Variants in WDR90 observed in about 807,000 individuals in gnomAD.
WDR90 encodes WD repeat domain 90.
A neutral mutation model predicts 195.2 loss-of-function variants in WDR90; 238 were observed. The observed-to-expected ratio is 1.22, with a 90% CI of 1.10 to 1.36. The LOEUF (loss-of-function observed/expected upper bound fraction) is 1.36. Ranked by LOEUF, WDR90 falls within the 40% of genes most tolerant of loss-of-function variation. The pLI is 0.00. For synonymous variants in WDR90, 1,265 were observed against 1,052.4 expected (o/e 1.20, Z -3.91); for missense variants, 2,734 against 2,439.5 (o/e 1.12, Z -2.54).
rs759794373 is a variant in WDR90, at chr16:655,665, C to T, written c.1811C>T (p.Pro604Leu). Residue 604 changes from proline to leucine, a missense_variant, in exon 16 of 41, where the codon CCA becomes CTA. By Grantham distance (98) the Pro-to-Leu change is moderately conservative. Transcript: ENST00000293879. ...HARRLLPTRT[P>L]GGPHPQKQTF... ...CGCCGCCTGCTCCCCACACGGACTC[C>T]AGGCGGTCCCCACCCACAGAAGCAG... 1.4e-5 allele frequency: 22 copies of T among 1,602,584 alleles called. No homozygotes were observed. The highest frequency in any genetic ancestry group is 1.7e-5 in the Admixed American group (1 of 58,568).
intron 40 of WDR90, 41 bp from the exon 41 acceptor site, chr16:667,391 C>T: frequency 1.3e-6 from 2 of 1,562,776 alleles, no homozygotes; most frequent in African/African-American, 1.3e-5. Context: ...CTGAGTGCTG[C>T]CTGGTCCTGG....
intron 2 of WDR90, 55 bp from the exon 3 acceptor site, chr16:649,936 C>T: frequency 1.9e-6 from 3 of 1,605,386 alleles, no homozygotes; most frequent in East Asian, 4.5e-5. Flanking sequence ...GGCCCCCTCG[C>T]CCCCGCTGCA....
chr16:651,879 A>G lies in WDR90; in HGVS notation c.893A>G (p.Gln298Arg). ...CCCTTCCCGGAGGTCAGCCTGTCCC[A>G]AGAGCGCTCAGACGCCTCCAACGCG... ...PRPFPEVSLSQERSDASNADG... is the reference protein window; with the variant it reads ...PRPFPEVSLSRERSDASNADG... The change falls in exon 9 of 41, where the codon CAA (glutamine) becomes CGA (arginine). Residue 298 changes from glutamine (Q) to arginine (R), a missense_variant. Physicochemically the swap from Gln to Arg is conservative, Grantham distance 43. Transcript: ENST00000293879. The G allele has an allele frequency of 6.2e-7, 1 of 1,610,984 alleles. No individual in the cohort carries two copies. Among genetic ancestry groups the G allele is most frequent in the Non-Finnish European group, 8.5e-7 (1 of 1,179,882 alleles).
chr16:650,750 A>G (rs1391520703), intron 5 of WDR90, 41 bp downstream of exon 5: 2 of 1,591,388 alleles, frequency 1.3e-6, no homozygotes, highest in East Asian at 2.3e-5. Context: ...TATCTCACCC[A>G]TGCTCTCAGC....
At chr16:660,966 GCCCCCTGTTCGGCCCCTCCCC>G in intron 28 of WDR90, 64 bp from the exon 29 acceptor site, 1 of 140,764 alleles carries the variant, frequency 7.1e-6, no homozygotes, top group Non-Finnish European at 1.3e-5. Flanking sequence ...CCCAGGCCCC[GCCCCCTGTTCGGCCCCTCCCC>G]AGGCCCCTCC....
At chr16:652,369 G>A in intron 9 of WDR90, 98 bp from the exon 10 acceptor site, 1 of 1,397,416 alleles carries the variant, frequency 7.2e-7, no homozygotes, top group Non-Finnish European at 9.8e-7. Flanking sequence ...TTCTTGAGAG[G>A]CAGGACCCAG....
chr16:649,953 C>T (rs769482504), intron 2 of WDR90, 38 bp from the exon 3 acceptor site: 30 of 1,609,590 alleles, frequency 1.9e-5, no homozygotes, highest in Non-Finnish European at 2.4e-5. Flanking sequence ...TGCACTTCTT[C>T]TGGGTGCTGT....
intron 34 of WDR90, chr16:665,350 A>G (rs79396044): frequency 1.7e-5 from 9 of 519,606 alleles, no homozygotes; most frequent in South Asian, 7.8e-5. Flanking sequence ...GCACGGCCAC[A>G]CTCCTGTCTT....
intron 40 of WDR90, 90 bp downstream of exon 40, chr16:667,079 G>A: frequency 7.3e-7 from 1 of 1,371,870 alleles, no homozygotes; most frequent in Non-Finnish European, 1.0e-6. Context: ...TGCCTCACCT[G>A]TGCCCCGGGC....
At chr16:667,057 T>C (rs7189028) in intron 40 of WDR90, 68 bp downstream of exon 40, 632,455 of 1,489,998 alleles carry the variant, frequency 0.42, 152,305 homozygotes, top group East Asian at 0.97. Context: ...TGGTGCCCTG[T>C]TCCAAGACAG....
Position 655,396 on chromosome 16 carries a change from A to G in WDR90, c.1646A>G (p.His549Arg). The change falls in exon 15 of 41, where the codon CAC becomes CGC. Residue 549 changes from histidine (H) to arginine (R), a missense_variant. Transcript: ENST00000293879. ...RSCPVDLGEH[H>R]ALQFTDLAFK... is the part of the protein sequence containing the mutation. ...TGCCCCGTGGACTTAGGGGAGCACC[A>G]CGCGCTGCAGTTCACCGACCTGGCC... 3 of 1,596,228 alleles carry G rather than the reference A, an allele frequency of 1.9e-6. No individual in the cohort carries two copies. In the East Asian group the frequency reaches 6.7e-5, roughly 36 times the overall value.
At chr16:656,956 C>T (rs2037769148) in intron 19 of WDR90, 85 bp downstream of exon 19, 7 of 1,561,320 alleles carry the variant, frequency 4.5e-6, no homozygotes, top group Non-Finnish European at 6.1e-6. Context: ...GCAGGATGGC[C>T]AGTGCTGGCT....
In WDR90 at chr16:667,420, G is replaced by GTC. The variant is rs1567227311; in HGVS notation, c.5090-10_5090-9dup. Reference sequence around the variant, plus strand: ...GTCCTGGCCCTGGCCCACCTGCACCGTCTACCCACAGAGTGCATGCTGAGG... The same window carrying GTC: ...GTCCTGGCCCTGGCCCACCTGCACCGTCTCTACCCACAGAGTGCATGCTGAGG... On this transcript the variant is annotated splice_polypyrimidine_tract_variant and intron_variant, in intron 40 of 40. Transcript: ENST00000293879. 1 of 1,589,004 alleles carries GTC rather than the reference G, an allele frequency of 6.3e-7. No homozygotes were observed. The highest frequency in any genetic ancestry group is 1.7e-5 in the Admixed American group (1 of 59,416).
At chr16:662,414 C>A (rs998245252) in intron 33 of WDR90, 83 bp downstream of exon 33, 2 of 1,482,950 alleles carry the variant, frequency 1.3e-6, no homozygotes, top group Admixed American at 4.0e-5. Flanking sequence ...GCCCCGCCCC[C>A]GCAAAGGCCG....
rs567356429 is a variant in WDR90 at position 657,635 on chromosome 16, T to C, written c.2474-127T>C. On this transcript the variant is annotated intron_variant, in intron 20 of 40. Transcript: ENST00000293879. ...GCACCTTGGCAATCCTCTGCCGGTG[T>C]GATGCGTCTGTGCTCCGGGGCTGGT... is the stretch of plus-strand genomic sequence containing the variant. The C allele has an allele frequency of 3.0e-6, 4 of 1,324,488 alleles. No homozygotes were observed. In the South Asian group the frequency reaches 6.3e-5, roughly 21 times the overall value. The allele number at this position is 1,324,488 out of a possible 1,614,324, so 82.0% of individuals were successfully genotyped here.
intron 27 of WDR90, 198 bp from the exon 28 acceptor site, chr16:660,414 G>A: frequency 1.5e-6 from 1 of 649,098 alleles, no homozygotes; most frequent in Non-Finnish European, 2.6e-6. Context: ...CTTGATGAGA[G>A]CCCCACGGGC....
chr16:653,692 G>A (rs2037690144), intron 12 of WDR90, 22 bp downstream of exon 12: 9 of 1,613,074 alleles, frequency 5.6e-6, no homozygotes, highest in African/African-American at 2.7e-5. Flanking sequence ...TCTGCCCCAT[G>A]CAGGGGGAGG....
In WDR90 at chr16:653,931, G is replaced by A. The variant is rs114633343; in HGVS notation, c.1437+128G>A. 1,302 of 1,215,282 alleles carry A rather than the reference G, an allele frequency of 1.1e-3. 16 individuals are homozygous for A. In the African/African-American group the frequency reaches 0.018, roughly 16 times the overall value. The allele number at this position is 1,215,282 out of a possible 1,614,324, so 75.3% of individuals were successfully genotyped here. ...GTCCCTGCTCTGTGTCCTCCCTGTG[G>A]TGGGGCTCCCTGCACTCTGGTGTTC... On this transcript the variant is annotated intron_variant, in intron 13 of 40. Coordinates refer to ENST00000293879, the MANE Select transcript of WDR90 (RefSeq NM_145294.5).
chr16:666,541 G>A lies in WDR90; in HGVS notation c.4827G>A (p.Leu1609=). ...TCAGCGTCTGGGCCTCCGACTGGCT[G>A]CGGAACCACTGTGAGCTTGTGGACT... ...QRVSVWASDW[L]RNHCELVDWL... Residue 1609 remains leucine (L), a synonymous_variant, in exon 38 of 41, where the codon CTG becomes CTA. Transcript: ENST00000293879. 3.1e-6 allele frequency: 5 copies of A among 1,612,786 alleles called. No homozygotes were observed. Among genetic ancestry groups the A allele is most frequent in the Non-Finnish European group, 4.2e-6 (5 of 1,179,980 alleles).
Sources: allele counts gnomAD v4.1 joint callset, GRCh38; gene constraint gnomAD v4.1.1; transcripts MANE v1.5; gene names NCBI Gene and HGNC (gene_info 2026-07-23, HGNC 2026-07-21).